HS6ST2: variants seen among roughly 807,000 people sequenced by gnomAD.
HS6ST2 encodes the protein heparan sulfate 6-O-sulfotransferase 2.
In HS6ST2, 17 loss-of-function variants were observed where a neutral mutation model predicts 33.0. That is an observed-to-expected ratio of 0.52 (90% CI 0.35 to 0.77). The LOEUF (loss-of-function observed/expected upper bound fraction) is 0.77, where lower values mean the gene tolerates loss of function less well. Among genes scored for constraint, HS6ST2 ranks in the 30% least tolerant of loss-of-function variants. HS6ST2 has a pLI of 0.01. For synonymous variants in HS6ST2, 248 were observed against 237.1 expected (o/e 1.05, Z -0.42); for missense variants, 519 against 551.7 (o/e 0.94, Z 0.59).
intron 2 of HS6ST2, among the ~76,000 whole-genome samples, chrX:132,790,426 C>G (rs1484467987): frequency 8.9e-6 from 1 of 111,896 alleles, no homozygotes; most frequent in African/African-American, 3.2e-5. Flanking sequence ...TCTATATGCA[C>G]TAGGAAACCA....
chrX:132,787,674 G>A (rs1706914325), intron 2 of HS6ST2, among the ~76,000 whole-genome samples: 1 of 107,022 alleles, frequency 9.3e-6, no homozygotes, highest in Non-Finnish European at 1.9e-5. Context: ...TGGATCACCT[G>A]AGGTCAGGAG....
upstream of HS6ST2, chrX:132,958,710 G>A: frequency 1.3e-6 from 1 of 785,251 alleles, no homozygotes; most frequent in Non-Finnish European, 1.8e-6. Flanking sequence ...AGAGAACCTG[G>A]GTTTTCTCTT....
At chrX:132,634,435 G>T (rs1018064309) in intron 4 of HS6ST2, among the ~76,000 whole-genome samples, 2 of 112,047 alleles carry the variant, frequency 1.8e-5, no homozygotes, top group Non-Finnish European at 3.8e-5. Context: ...AAATGACAAG[G>T]TGTCACATTT....
intron 2 of HS6ST2, among the ~76,000 whole-genome samples, chrX:132,955,872 C>G (rs980116412): frequency 1.8e-5 from 2 of 112,898 alleles, no homozygotes; most frequent in African/African-American, 6.4e-5. Context: ...TTTACCGCAT[C>G]AGCCCAGGCT....
chrX:132,820,975 A>G (rs62599047), intron 2 of HS6ST2, among the ~76,000 whole-genome samples: 1,273 of 110,573 alleles, frequency 0.012, 9 homozygotes, highest in Non-Finnish European at 0.018. Flanking sequence ...TGTTTTTGGC[A>G]TCAGTTCCCA....
chrX:132,834,664 T>C (rs1394723468), intron 2 of HS6ST2, among the ~76,000 whole-genome samples: 1 of 112,486 alleles, frequency 8.9e-6, no homozygotes, highest in Non-Finnish European at 1.9e-5. Context: ...CACACATAAA[T>C]GTGCACTTTG....
At chrX:132,803,260 G>A (rs1246703098) in intron 2 of HS6ST2, among the ~76,000 whole-genome samples, 2 of 111,256 alleles carry the variant, frequency 1.8e-5, no homozygotes, top group Non-Finnish European at 1.9e-5. Context: ...CCTTTTACTT[G>A]TTTTCCTAGT....
chrX:132,948,041 C>T (rs1051413178), intron 2 of HS6ST2, among the ~76,000 whole-genome samples: 3 of 112,014 alleles, frequency 2.7e-5, no homozygotes, highest in African/African-American at 9.7e-5. Context: ...ATACACCGCA[C>T]ATTTCAATTG....
At position 132,958,288 on chromosome X, in the gene HS6ST2, C is replaced by CA. The variant is rs1357308288; in HGVS notation, c.314_315insT (p.Trp105CysfsTer45). ...GGGCCCGGCAGAGGGAGCCCAGGTCCCAGCGTCGCCTGAGGACGTGCATCC... is the reference window on the plus strand; with the variant it reads ...GGGCCCGGCAGAGGGAGCCCAGGTCCACAGCGTCGCCTGAGGACGTGCATCC... On this transcript the variant is annotated frameshift_variant, in exon 1 of 5. Transcript: ENST00000370833. LOFTEE classifies it high-confidence loss of function. The CA allele has an allele frequency of 2.5e-6, 3 of 1,191,604 alleles. No homozygotes were observed. Among genetic ancestry groups the CA allele is most frequent in the Non-Finnish European group, 3.4e-6 (3 of 891,171 alleles).
intron 2 of HS6ST2, among the ~76,000 whole-genome samples, chrX:132,803,406 C>T (rs1466435074): frequency 1.8e-5 from 2 of 111,032 alleles, no homozygotes; most frequent in Non-Finnish European, 3.8e-5. Flanking sequence ...AGCAGACGTG[C>T]TTTATTTTAT....
chrX:132,628,419 G>A lies in HS6ST2; in HGVS notation c.1742C>T (p.Pro581Leu), dbSNP rs367714566. The part of the protein sequence containing the change: ...QSQGQGQSQN[P>L]NQNQSQNPNP... ...TGGGTTCTGACTCTGATTCTGATTCGGATTCTGGCTCTGGCCCTGACCCTG... is the reference window on the plus strand; with the variant it reads ...TGGGTTCTGACTCTGATTCTGATTCAGATTCTGGCTCTGGCCCTGACCCTG... The change falls in exon 5 of 5, where the codon CCG becomes CTG. Residue 581 changes from proline (P) to leucine (L), a missense_variant. Coordinates refer to ENST00000370833, the MANE Select transcript of HS6ST2 (RefSeq NM_001394073.1). 6.7e-6 allele frequency: 8 copies of A among 1,202,292 alleles called. No individual in the cohort carries two copies. Among genetic ancestry groups the A allele is most frequent in the African/African-American group, 5.3e-5 (3 of 56,665 alleles).
At chrX:132,893,211 A>G (rs1469853236) in intron 2 of HS6ST2, among the ~76,000 whole-genome samples, 1 of 111,976 alleles carries the variant, frequency 8.9e-6, no homozygotes, top group African/African-American at 3.2e-5. Context: ...ACCATTTGCT[A>G]GCATCTGAGG....
chrX:132,681,473 G>A (rs2063970030), intron 3 of HS6ST2, among the ~76,000 whole-genome samples: 1 of 111,292 alleles, frequency 9.0e-6, no homozygotes, highest in Non-Finnish European at 1.9e-5. Flanking sequence ...CGTCAAGAAA[G>A]TCTTGGCTCT....
chrX:132,873,438 T>C (rs777283959), intron 2 of HS6ST2, among the ~76,000 whole-genome samples: 79 of 112,071 alleles, frequency 7.0e-4, no homozygotes, highest in African/African-American at 2.5e-3. Flanking sequence ...CTCAGACCTC[T>C]GGTTATGAAA....
At chrX:132,957,781 C>T (rs956484207) in intron 1 of HS6ST2, among the ~76,000 whole-genome samples, 3 of 111,760 alleles carry the variant, frequency 2.7e-5, no homozygotes, top group East Asian at 2.9e-4. Flanking sequence ...GCTCTTCTGC[C>T]CCTATCCTCT....
chrX:132,894,525 G>GT (rs2148455173), intron 2 of HS6ST2, among the ~76,000 whole-genome samples: 1 of 90,236 alleles, frequency 1.1e-5, no homozygotes, highest in Admixed American at 1.2e-4. Flanking sequence ...GTTATGTTAT[G>GT]TTATTTATTT....
Position 132,642,124 on chromosome X carries a change from C to T in HS6ST2, c.1068-13031G>A, listed in dbSNP as rs546053287. Among the ~76,000 whole-genome samples the T allele has an allele frequency of 5.4e-5, 6 of 110,869 alleles. No homozygotes were observed. The South Asian group carries it at 2.4e-3, about 44-fold the overall frequency. ...AGAGACAAGAAATCAAGTAAGAGGC[C>T]TTTTTCACATGGTAGGCCGTCAATA... On this transcript the variant is annotated intron_variant, in intron 4 of 4. Transcript: ENST00000370833.
chrX:132,644,814 G>A (rs752445044), intron 4 of HS6ST2, among the ~76,000 whole-genome samples: 4 of 110,939 alleles, frequency 3.6e-5, no homozygotes, highest in Non-Finnish European at 7.6e-5. Context: ...AAACTACACA[G>A]GCCCTGAAAC....
intron 4 of HS6ST2, among the ~76,000 whole-genome samples, chrX:132,631,494 G>A (rs965570619): frequency 5.4e-5 from 6 of 110,403 alleles, no homozygotes; most frequent in African/African-American, 2.0e-4. Flanking sequence ...TAAAGCCCTG[G>A]GTTCCCTCCT....
Sources: allele counts gnomAD v4.1 joint callset (sites outside exome capture counted in the v4.1 genomes callset), GRCh38; gene constraint gnomAD v4.1.1; transcripts MANE v1.5; gene names NCBI Gene and HGNC (gene_info 2026-07-23, HGNC 2026-07-21).